FANCA: variants seen among roughly 807,000 people sequenced by gnomAD.
FANCA encodes FA complementation group A, also known as Fanconi anemia group A protein.
In FANCA, 236 loss-of-function variants were observed where a neutral mutation model predicts 194.3. The observed-to-expected ratio is 1.21, with a 90% CI of 1.09 to 1.35. The LOEUF (loss-of-function observed/expected upper bound fraction) is 1.35, where lower values mean the gene tolerates loss of function less well. Among genes scored for constraint, FANCA ranks in the 40% most tolerant of loss-of-function variants. The probability of loss-of-function intolerance (pLI) is 0.00; values close to 1 mark genes in which losing one functional copy is unlikely to be tolerated. For synonymous variants in FANCA, 1,014 were observed against 715.8 expected, an observed-to-expected ratio of 1.42 and a Z score of -6.65; for missense variants, 2,628 against 1,813.9, an observed-to-expected ratio of 1.45 and a Z score of -8.15.
intron 31 of FANCA, among the ~76,000 whole-genome samples, chr16:89,750,359 T>C (rs890275096): frequency 1.3e-5 from 2 of 152,076 alleles, no homozygotes; most frequent in Non-Finnish European, 2.9e-5. Flanking sequence ...GGCGGGTGCC[T>C]GTAGTCCCAG....
At chr16:89,743,802 G>A (rs2062186651) in intron 36 of FANCA, among the ~76,000 whole-genome samples, 1 of 152,168 alleles carries the variant, frequency 6.6e-6, no homozygotes, top group East Asian at 1.9e-4. Flanking sequence ...TAGGGTGGGT[G>A]ACAAGAGTGA....
intron 41 of FANCA, 54 bp downstream of exon 41, chr16:89,739,079 G>A (rs1191474537): frequency 6.2e-7 from 1 of 1,613,892 alleles, no homozygotes; most frequent in East Asian, 2.2e-5. Flanking sequence ...TTGGCAGAAG[G>A]AGCCTCCGGC....
At chr16:89,771,079 T>G (rs557600440) in intron 23 of FANCA, among the ~76,000 whole-genome samples, 1 of 149,460 alleles carries the variant, frequency 6.7e-6, no homozygotes, top group East Asian at 2.0e-4. Context: ...GCAAGAGAAC[T>G]GCTTGAACCC....
At chr16:89,792,161 G>T in intron 12 of FANCA, 93 bp from the exon 13 acceptor site, 2 of 1,451,380 alleles carry the variant, frequency 1.4e-6, no homozygotes, top group Non-Finnish European at 9.7e-7. Context: ...GGCCACCGCA[G>T]CCCCCTCACT....
chr16:89,760,227 G>A (rs1187213292), intron 29 of FANCA, among the ~76,000 whole-genome samples: 1 of 152,250 alleles, frequency 6.6e-6, no homozygotes, highest in Non-Finnish European at 1.5e-5. Flanking sequence ...CAGCCGGGAG[G>A]AGAAACGGGG....
chr16:89,800,538 A>G (rs1411976905), intron 8 of FANCA, among the ~76,000 whole-genome samples: 1 of 152,246 alleles, frequency 6.6e-6, no homozygotes, highest in Non-Finnish European at 1.5e-5. Context: ...TTCTTCCCAG[A>G]AATAGAAAAA....
chr16:89,790,628 C>A (rs2040037703), intron 14 of FANCA, among the ~76,000 whole-genome samples: 1 of 151,680 alleles, frequency 6.6e-6, no homozygotes, highest in African/African-American at 2.4e-5. Context: ...ACTCAGGAGG[C>A]TGAGGCAGGA....
At position 89,737,907 on chromosome 16, in the gene FANCA, T is replaced by C; in HGVS notation, c.*694A>G. Reference sequence around the variant, plus strand: ...ACATTCGGGAGCCAAGCCTTTGCAGTAAGTGTGAGTCAGGACCCCCTCCCA... The same window carrying C: ...ACATTCGGGAGCCAAGCCTTTGCAGCAAGTGTGAGTCAGGACCCCCTCCCA... On this transcript the variant is annotated 3_prime_UTR_variant, in exon 43 of 43. Transcript: ENST00000389301. 1.9e-6 allele frequency: 3 copies of C among 1,592,502 alleles called. No individual in the cohort carries two copies. The highest frequency in any genetic ancestry group is 2.5e-6 in the Non-Finnish European group (3 of 1,176,592).
intron 8 of FANCA, among the ~76,000 whole-genome samples, chr16:89,802,693 A>G (rs2143610822): frequency 6.6e-6 from 1 of 152,076 alleles, no homozygotes; most frequent in East Asian, 1.9e-4. Context: ...ATGAGCCACC[A>G]TGCCCGGCCA....
intron 18 of FANCA, among the ~76,000 whole-genome samples, chr16:89,779,601 T>C (rs1236290071): frequency 6.6e-6 from 1 of 152,214 alleles, no homozygotes; most frequent in Non-Finnish European, 1.5e-5. Flanking sequence ...TGCACAGCTC[T>C]TGACCTCACC....
intron 38 of FANCA, chr16:89,740,467 T>G (rs1006529128): frequency 1.1e-5 from 5 of 459,080 alleles, no homozygotes; most frequent in Non-Finnish European, 1.6e-5. Flanking sequence ...AAACCCCGTC[T>G]CTACTAAAAA....
In FANCA at chr16:89,770,640, G is replaced by C. The variant is rs879194519; in HGVS notation, c.2152-6C>G. On this transcript the variant is annotated splice_polypyrimidine_tract_variant and splice_region_variant and intron_variant, in intron 23 of 42. Transcript: ENST00000389301. Reference sequence around the variant, plus strand: ...GTCAGCAGGAGGTCCACAGCCTGCAGAGACACAGTTCTCATGAGCGTGGTG... The same window carrying C: ...GTCAGCAGGAGGTCCACAGCCTGCACAGACACAGTTCTCATGAGCGTGGTG... 6.2e-7 allele frequency: 1 copy of C among 1,605,702 alleles called. No individual in the cohort carries two copies. The highest frequency in any genetic ancestry group is 8.5e-7 in the Non-Finnish European group (1 of 1,175,848).
At chr16:89,757,162 G>A (rs1479537470) in intron 30 of FANCA, among the ~76,000 whole-genome samples, 1 of 151,806 alleles carries the variant, frequency 6.6e-6, no homozygotes, top group Non-Finnish European at 1.5e-5. Context: ...TTGTCTAGAC[G>A]GTTTCACCAG....
chr16:89,737,569 G>T lies in FANCA; in HGVS notation c.*1032C>A. 2 of 641,480 alleles carry T rather than the reference G, an allele frequency of 3.1e-6. No individual in the cohort carries two copies. The highest frequency in any genetic ancestry group is 4.9e-6 in the Non-Finnish European group (2 of 406,392). 39.7% of individuals were successfully genotyped at this position (641,480 alleles called of 1,614,324 possible). A position where few individuals can be genotyped will look rare whatever the true frequency, so the allele number is the denominator to read the frequency against. Reference sequence around the variant, plus strand: ...TGTGGTTAAGGAAATAGCTTTCTGAGGTTTCTTTAAAAACCATCCTGAAAT... The same window carrying T: ...TGTGGTTAAGGAAATAGCTTTCTGATGTTTCTTTAAAAACCATCCTGAAAT... On this transcript the variant is annotated 3_prime_UTR_variant, in exon 43 of 43. Transcript: ENST00000389301.
intron 30 of FANCA, among the ~76,000 whole-genome samples, chr16:89,755,494 C>G (rs1180261397): frequency 1.3e-5 from 2 of 152,074 alleles, no homozygotes; most frequent in Non-Finnish European, 2.9e-5. Context: ...CGTGAGCCAC[C>G]GTGGCTGGCC....
rs1389873954 is a variant in FANCA, at chr16:89,758,630, G to C, written c.2928C>G (p.Asp976Glu). Residue 976 changes from aspartate to glutamate, a missense_variant, in exon 30 of 43, where the codon GAC becomes GAG. Physicochemically the swap from Asp to Glu is conservative, Grantham distance 45 (BLOSUM62 2). Coordinates refer to ENST00000389301, the MANE Select transcript of FANCA (RefSeq NM_000135.4). ...CAAGAATGGTACACGCAGCCTGCAG[G>C]TCTCCGTCACAGCCCCCTGAAGCCG... ...ESSASGGCDG[D>E]LQAACTILVN... The C allele has an allele frequency of 3.1e-6, 5 of 1,614,066 alleles. No individual in the cohort carries two copies. In the South Asian group the frequency reaches 5.5e-5, roughly 18 times the overall value.
chr16:89,799,769 G>T, intron 8 of FANCA, 131 bp from the exon 9 acceptor site: 1 of 740,964 alleles, frequency 1.3e-6, no homozygotes, highest in Non-Finnish European at 2.4e-6. Context: ...CGAGGCGGGC[G>T]GATCACGAGG....
chr16:89,771,388 T>C (rs980171442), intron 23 of FANCA, among the ~76,000 whole-genome samples: 4 of 151,264 alleles, frequency 2.6e-5, no homozygotes, highest in Admixed American at 2.6e-4. Context: ...GAGCCCAGGA[T>C]GTCAAAGCTG....
chr16:89,769,794 C>CGA, intron 26 of FANCA, 43 bp downstream of exon 26: 1 of 1,604,310 alleles, frequency 6.2e-7, no homozygotes, highest in Non-Finnish European at 8.5e-7. Flanking sequence ...TGTCACTTTT[C>CGA]GAGAGAGAGG....
Sources: gnomAD v4.1 joint callset for allele counts (sites outside exome capture counted in the v4.1 genomes callset) on GRCh38, gnomAD v4.1.1 for gene constraint, MANE v1.5 for transcripts, NCBI Gene and HGNC (gene_info 2026-07-23, HGNC 2026-07-21) for gene names.